Variants in ARHGAP15 observed in about 807,000 individuals in gnomAD.
ARHGAP15 encodes Rho GTPase activating protein 15.
A neutral mutation model predicts 63.7 loss-of-function variants in ARHGAP15; 51 were observed. The observed-to-expected ratio is 0.80, with a 90% CI of 0.64 to 1.01. The LOEUF (loss-of-function observed/expected upper bound fraction) is 1.01, where lower values mean the gene tolerates loss of function less well. ARHGAP15 is among the 50% of genes least tolerant of loss of function. The pLI is 0.00. For synonymous variants in ARHGAP15, 191 were observed against 193.8 expected, an observed-to-expected ratio of 0.99 and a Z score of 0.12; for missense variants, 560 against 564.6, an observed-to-expected ratio of 0.99 and a Z score of 0.08.
intron 6 of ARHGAP15, among the ~76,000 whole-genome samples, chr2:143,398,326 C>G (rs1323692576): frequency 1.3e-5 from 2 of 152,104 alleles, no homozygotes; most frequent in Non-Finnish European, 2.9e-5. Flanking sequence ...AGCAGCCCAG[C>G]TGGGGTTTTG....
intron 11 of ARHGAP15, among the ~76,000 whole-genome samples, chr2:143,605,417 C>T (rs1372725363): frequency 2.0e-5 from 3 of 152,036 alleles, no homozygotes; most frequent in Admixed American, 1.3e-4. Context: ...TAATTAGCAC[C>T]TTAAACTATA....
intron 8 of ARHGAP15, among the ~76,000 whole-genome samples, chr2:143,475,938 G>C (rs1006147121): frequency 3.3e-5 from 5 of 152,312 alleles, no homozygotes; most frequent in African/African-American, 1.2e-4. Flanking sequence ...GAATGGGAGA[G>C]AAACTGGCAG....
chr2:143,235,946 A>G (rs1007832234), intron 5 of ARHGAP15: 5 of 1,545,490 alleles, frequency 3.2e-6, no homozygotes, highest in Admixed American at 2.0e-5. Context: ...GTGATTTTAG[A>G]GCTTCTGCTT....
chr2:143,749,652 CAT>C (rs1686296137), intron 13 of ARHGAP15, among the ~76,000 whole-genome samples: 1 of 152,206 alleles, frequency 6.6e-6, no homozygotes, highest in Non-Finnish European at 1.5e-5. Context: ...GCACACAAAT[CAT>C]ATGATTTAGT....
chr2:143,716,027 TGGGA>T (rs1428770969), intron 13 of ARHGAP15, among the ~76,000 whole-genome samples: 1 of 151,944 alleles, frequency 6.6e-6, no homozygotes, highest in Non-Finnish European at 1.5e-5. Context: ...AGATGGTGGA[TGGGA>T]GGAAGGAGAG....
rs1338676784 is a variant in ARHGAP15, at chr2:143,436,987, A to G, written c.648A>G (p.Leu216=). 1.9e-6 allele frequency: 3 copies of G among 1,610,916 alleles called. No individual in the cohort carries two copies. The highest frequency in any genetic ancestry group is 2.5e-6 in the Non-Finnish European group (3 of 1,179,008). ...AAAGATCCTCTAGCACTGAATTGCTAAGTCACTACGACAGTGATATAAAAG... is the reference window on the plus strand; with the variant it reads ...AAAGATCCTCTAGCACTGAATTGCTGAGTCACTACGACAGTGATATAAAAG... The part of the protein sequence containing the change: ...KIQRSSSTEL[L]SHYDSDIKEQ... Residue 216 remains leucine (L), a synonymous_variant, in exon 8 of 14, where the codon CTA becomes CTG. Coordinates refer to ENST00000295095, the MANE Select transcript of ARHGAP15 (RefSeq NM_018460.4).
At chr2:143,514,870 C>T (rs913564626) in intron 9 of ARHGAP15, among the ~76,000 whole-genome samples, 1 of 152,162 alleles carries the variant, frequency 6.6e-6, no homozygotes. Flanking sequence ...GAGTAGAAAT[C>T]TGCAATGCGT....
intron 10 of ARHGAP15, chr2:143,519,574 T>G (rs930963568): frequency 2.7e-6 from 1 of 368,994 alleles, no homozygotes; most frequent in Admixed American, 4.5e-5. Context: ...TCTTTTTTGT[T>G]TTTAATATTT....
intron 6 of ARHGAP15, among the ~76,000 whole-genome samples, chr2:143,331,076 A>C (rs1055116505): frequency 6.6e-6 from 1 of 152,210 alleles, no homozygotes; most frequent in Admixed American, 6.5e-5. Context: ...CTGCAGCAAG[A>C]GGTGGCTAGG....
chr2:143,633,113 G>C (rs1415534596), intron 12 of ARHGAP15, among the ~76,000 whole-genome samples: 2 of 152,058 alleles, frequency 1.3e-5, no homozygotes, highest in Admixed American at 1.3e-4. Context: ...ATTTTACAAA[G>C]CCTGTTTTTT....
intron 8 of ARHGAP15, among the ~76,000 whole-genome samples, chr2:143,477,699 A>C (rs1307168298): frequency 6.6e-6 from 1 of 152,168 alleles, no homozygotes; most frequent in Non-Finnish European, 1.5e-5. Flanking sequence ...TAGGAGAGAA[A>C]GGAACACACT....
intron 2 of ARHGAP15, among the ~76,000 whole-genome samples, chr2:143,181,814 G>A (rs1691245295): frequency 6.6e-6 from 1 of 152,182 alleles, no homozygotes; most frequent in Admixed American, 6.5e-5. Flanking sequence ...GTTCACTGTA[G>A]GGGCACTTTT....
chr2:143,237,156 C>A (rs1693685434), intron 5 of ARHGAP15: 1 of 152,028 alleles, frequency 6.6e-6, no homozygotes, highest in South Asian at 2.1e-4. Flanking sequence ...GTTTAGGGAA[C>A]TGATATATAT....
At chr2:143,175,326 G>A (rs1332472054) in intron 2 of ARHGAP15, among the ~76,000 whole-genome samples, 1 of 152,166 alleles carries the variant, frequency 6.6e-6, no homozygotes, top group Non-Finnish European at 1.5e-5. Context: ...TAACCACATA[G>A]TAAGTTAAGG....
At chr2:143,188,131 G>A (rs1192249711) in intron 2 of ARHGAP15, among the ~76,000 whole-genome samples, 2 of 151,752 alleles carry the variant, frequency 1.3e-5, no homozygotes, top group Non-Finnish European at 2.9e-5. Flanking sequence ...TCTGTTCTAG[G>A]CATTATGCAC....
intron 6 of ARHGAP15, among the ~76,000 whole-genome samples, chr2:143,398,116 A>G (rs1687848679): frequency 6.6e-6 from 1 of 152,126 alleles, no homozygotes; most frequent in African/African-American, 2.4e-5. Flanking sequence ...ATGTAAGAGC[A>G]AGAATCAGAT....
At chr2:143,594,146 C>T (rs1268688514) in intron 11 of ARHGAP15, among the ~76,000 whole-genome samples, 1 of 152,060 alleles carries the variant, frequency 6.6e-6, no homozygotes, top group African/African-American at 2.4e-5. Context: ...TTAAAGTTTC[C>T]ATTATCCATT....
At chr2:143,393,880 A>G (rs567162118) in intron 6 of ARHGAP15, among the ~76,000 whole-genome samples, 106 of 152,166 alleles carry the variant, frequency 7.0e-4, no homozygotes, top group Non-Finnish European at 1.4e-3. Context: ...AGGAAGAGCA[A>G]TCTACTGAAA....
At chr2:143,165,993 A>AAG (rs1558787689) in intron 2 of ARHGAP15, among the ~76,000 whole-genome samples, 12 of 115,606 alleles carry the variant, frequency 1.0e-4, no homozygotes, top group African/African-American at 3.8e-4. Context: ...AAAGAAAGAA[A>AAG]GAAAGAAAGA....
Sources: gnomAD v4.1 joint callset for allele counts (sites outside exome capture counted in the v4.1 genomes callset) on GRCh38, gnomAD v4.1.1 for gene constraint, MANE v1.5 for transcripts, NCBI Gene and HGNC (gene_info 2026-07-23, HGNC 2026-07-21) for gene names.